Variants in IMMP2L observed in about 807,000 individuals in gnomAD.
The protein encoded by IMMP2L is inner mitochondrial membrane peptidase subunit 2.
IMMP2L carries 18 observed loss-of-function variants against 19.3 expected under a neutral mutation model. The observed-to-expected ratio is 0.93, with a 90% CI of 0.64 to 1.38. The LOEUF is 1.38. IMMP2L is among the 40% of genes most tolerant of loss of function. The pLI, the probability that IMMP2L is intolerant of heterozygous loss-of-function variation, is 0.00. For synonymous variants in IMMP2L, 76 were observed against 73.0 expected (o/e 1.04, Z -0.21); for missense variants, 233 against 218.2 (o/e 1.07, Z -0.43).
chr7:111,537,076 C>T (rs1486557296), intron 1 of IMMP2L, among the ~76,000 whole-genome samples: 1 of 152,006 alleles, frequency 6.6e-6, no homozygotes, highest in Non-Finnish European at 1.5e-5. Flanking sequence ...TGAATATCTG[C>T]TAAGTGCCAG....
intron 3 of IMMP2L, among the ~76,000 whole-genome samples, chr7:111,164,938 A>T (rs1217929961): frequency 6.6e-6 from 1 of 151,980 alleles, no homozygotes; most frequent in Non-Finnish European, 1.5e-5. Context: ...TTACTATCTT[A>T]ATTATATTTA....
intron 3 of IMMP2L, among the ~76,000 whole-genome samples, chr7:110,975,619 G>C (rs1203846204): frequency 6.6e-6 from 1 of 152,072 alleles, no homozygotes; most frequent in Admixed American, 6.6e-5. Flanking sequence ...ACAGCTTCTA[G>C]ATGTTTTAGT....
At chr7:111,386,250 C>G (rs943240799) in intron 3 of IMMP2L, among the ~76,000 whole-genome samples, 1 of 152,018 alleles carries the variant, frequency 6.6e-6, no homozygotes. Flanking sequence ...AAATAACTTC[C>G]CCATGAGTAA....
intron 3 of IMMP2L, among the ~76,000 whole-genome samples, chr7:111,092,076 G>A (rs929772158): frequency 6.6e-6 from 1 of 152,180 alleles, no homozygotes; most frequent in African/African-American, 2.4e-5. Context: ...AAACCACTAA[G>A]CAGAGTAGCA....
intron 3 of IMMP2L, among the ~76,000 whole-genome samples, chr7:111,133,231 G>C (rs1235342970): frequency 6.6e-6 from 1 of 151,842 alleles, no homozygotes; most frequent in Non-Finnish European, 1.5e-5. Flanking sequence ...AGAGTGAAAA[G>C]GTAAATACCA....
At chr7:111,212,841 G>GC (rs1386708558) in intron 3 of IMMP2L, among the ~76,000 whole-genome samples, 1 of 152,152 alleles carries the variant, frequency 6.6e-6, no homozygotes, top group African/African-American at 2.4e-5. Flanking sequence ...ATTTATGTCT[G>GC]CCCACTGCAT....
chr7:111,342,574 G>A (rs938891045), intron 3 of IMMP2L, among the ~76,000 whole-genome samples: 1 of 151,974 alleles, frequency 6.6e-6, no homozygotes, highest in East Asian at 1.9e-4. Flanking sequence ...TCTGGCGACA[G>A]AGTGAGACTC....
chr7:111,156,705 T>C (rs954189920), intron 3 of IMMP2L, among the ~76,000 whole-genome samples: 1 of 152,064 alleles, frequency 6.6e-6, no homozygotes, highest in Non-Finnish European at 1.5e-5. Flanking sequence ...TAATGTCGTC[T>C]TTTAAAATTT....
At chr7:111,271,132 C>T (rs1818418631) in intron 3 of IMMP2L, among the ~76,000 whole-genome samples, 1 of 151,990 alleles carries the variant, frequency 6.6e-6, no homozygotes, top group Non-Finnish European at 1.5e-5. Flanking sequence ...CTCATGAGAT[C>T]TAATGGTTTT....
At chr7:111,000,234 CCCAGA>C (rs1823519528) in intron 3 of IMMP2L, among the ~76,000 whole-genome samples, 1 of 152,134 alleles carries the variant, frequency 6.6e-6, no homozygotes, top group Non-Finnish European at 1.5e-5. Flanking sequence ...TGACTATCAG[CCCAGA>C]ATTTCTCTCC....
intron 1 of IMMP2L, among the ~76,000 whole-genome samples, chr7:111,535,097 T>C (rs1847761964): frequency 6.6e-6 from 1 of 152,158 alleles, no homozygotes; most frequent in African/African-American, 2.4e-5. Flanking sequence ...TTACAAAATG[T>C]CACTGGTTTC....
intron 3 of IMMP2L, among the ~76,000 whole-genome samples, chr7:111,114,730 C>A (rs1173715290): frequency 7.3e-6 from 1 of 136,184 alleles, no homozygotes; most frequent in African/African-American, 2.9e-5. Flanking sequence ...ACAGGCGAGA[C>A]TCCATCTCAA....
intron 3 of IMMP2L, among the ~76,000 whole-genome samples, chr7:111,129,423 G>A (rs1368360540): frequency 6.7e-6 from 1 of 150,238 alleles, no homozygotes; most frequent in Non-Finnish European, 1.5e-5. Context: ...TATATTATAT[G>A]TTATATATAT....
chr7:111,539,246 GAAAGAA>G lies in IMMP2L; in HGVS notation c.-2-17803_-2-17798del, dbSNP rs1848290815. 1.4e-5 allele frequency among the ~76,000 whole-genome samples: 2 copies of G among 145,238 alleles called. 1 individual carries two copies. The highest frequency in any genetic ancestry group is 4.4e-4 in the South Asian group (2 of 4,550). On this transcript the variant is annotated intron_variant, in intron 1 of 5. Transcript: ENST00000405709. ...AGAAAGAAAGAAAGAAAGAAAGAAA[GAAAGAA>G]AGAAAGAAAGAAAGAAAGAGAACAT...
chr7:111,542,487 G>GAAAC (rs1259326336), intron 1 of IMMP2L, among the ~76,000 whole-genome samples: 2 of 152,200 alleles, frequency 1.3e-5, no homozygotes, highest in African/African-American at 2.4e-5. Context: ...CAAGGTCAAA[G>GAAAC]AAACAGTAAG....
At chr7:111,370,252 G>A (rs1301864059) in intron 3 of IMMP2L, among the ~76,000 whole-genome samples, 1 of 151,912 alleles carries the variant, frequency 6.6e-6, no homozygotes, top group Non-Finnish European at 1.5e-5. Context: ...CAATTTCAAT[G>A]GAGAGAGTCA....
chr7:110,978,859 C>CGAA (rs1408888377), intron 3 of IMMP2L, among the ~76,000 whole-genome samples: 1 of 151,956 alleles, frequency 6.6e-6, no homozygotes, highest in Non-Finnish European at 1.5e-5. Flanking sequence ...ACCAAAAACA[C>CGAA]GAAGCCCTGT....
intron 3 of IMMP2L, among the ~76,000 whole-genome samples, chr7:111,326,669 G>A (rs1293032544): frequency 6.6e-6 from 1 of 151,736 alleles, no homozygotes; most frequent in African/African-American, 2.4e-5. Flanking sequence ...TAGGATGGCT[G>A]TTACCAAACA....
chr7:110,874,371 C>T (rs1036167570), intron 5 of IMMP2L, among the ~76,000 whole-genome samples: 3 of 151,716 alleles, frequency 2.0e-5, no homozygotes, highest in African/African-American at 4.8e-5. Flanking sequence ...CTTCATAATC[C>T]GTCTTATGAT....
Sources: gnomAD v4.1 joint callset for allele counts (sites outside exome capture counted in the v4.1 genomes callset) on GRCh38, gnomAD v4.1.1 for gene constraint, MANE v1.5 for transcripts, NCBI Gene and HGNC (gene_info 2026-07-23, HGNC 2026-07-21) for gene names.